Variants in SEMA5A observed in about 807,000 individuals in gnomAD.
The protein encoded by SEMA5A is semaphorin 5A.
Under a neutral mutation model 135.5 loss-of-function variants are expected in SEMA5A, and 55 were observed. That is an observed-to-expected ratio of 0.41 (90% CI 0.33 to 0.51). The LOEUF (loss-of-function observed/expected upper bound fraction) is 0.51, where lower values mean the gene tolerates loss of function less well. Ranked by LOEUF, SEMA5A falls within the 20% of genes least tolerant of loss-of-function variation. SEMA5A has a pLI of 0.37. For synonymous variants in SEMA5A, 580 were observed against 546.5 expected, an observed-to-expected ratio of 1.06 and a Z score of -0.85; for missense variants, 1,290 against 1,419.9, an observed-to-expected ratio of 0.91 and a Z score of 1.47.
intron 2 of SEMA5A, among the ~76,000 whole-genome samples, chr5:9,397,294 A>G (rs1487777297): frequency 6.6e-6 from 1 of 152,220 alleles, no homozygotes; most frequent in African/African-American, 2.4e-5. Flanking sequence ...AAATATAAAC[A>G]TACATTTCTA....
intron 13 of SEMA5A, among the ~76,000 whole-genome samples, chr5:9,134,013 T>C (rs1344598363): frequency 6.6e-6 from 1 of 152,108 alleles, no homozygotes; most frequent in East Asian, 1.9e-4. Context: ...AGTGAGTTTC[T>C]CCTGAACTCT....
chr5:9,322,151 G>T (rs1294570476), intron 4 of SEMA5A, among the ~76,000 whole-genome samples: 1 of 152,134 alleles, frequency 6.6e-6, no homozygotes, highest in East Asian at 1.9e-4. Flanking sequence ...CACTTTCTCA[G>T]TCCACACCTC....
intron 9 of SEMA5A, 59 bp from the exon 10 acceptor site, chr5:9,197,362 C>A (rs913200944): frequency 1.3e-5 from 21 of 1,584,934 alleles, no homozygotes; most frequent in East Asian, 2.2e-5. Context: ...CTGCTGACCT[C>A]CCCCTATGGA....
chr5:9,491,607 C>T (rs1735010052), intron 1 of SEMA5A, among the ~76,000 whole-genome samples: 1 of 152,142 alleles, frequency 6.6e-6, no homozygotes, highest in Non-Finnish European at 1.5e-5. Flanking sequence ...TGATTAAAGT[C>T]AGGTTTAGAT....
At chr5:9,220,517 C>T (rs1335547505) in intron 8 of SEMA5A, among the ~76,000 whole-genome samples, 2 of 150,510 alleles carry the variant, frequency 1.3e-5, no homozygotes, top group Non-Finnish European at 2.9e-5. Flanking sequence ...ACCACCTGTG[C>T]CCCAGAAATT....
At chr5:9,129,782 G>A (rs555797471) in intron 13 of SEMA5A, among the ~76,000 whole-genome samples, 1 of 152,258 alleles carries the variant, frequency 6.6e-6, no homozygotes, top group East Asian at 1.9e-4. Flanking sequence ...GCCAGGCACT[G>A]TGCTTTACAT....
chr5:9,305,708 G>GTGTATATATATATATATA (rs1554017498), intron 5 of SEMA5A, among the ~76,000 whole-genome samples: 2,122 of 138,640 alleles, frequency 0.015, 38 homozygotes, highest in Admixed American at 0.032. Flanking sequence ...GTGTGTGTGC[G>GTGTATATATATATATATA]TATATATATA....
At chr5:9,367,576 T>C (rs1754971108) in intron 3 of SEMA5A, among the ~76,000 whole-genome samples, 1 of 152,252 alleles carries the variant, frequency 6.6e-6, no homozygotes, top group African/African-American at 2.4e-5. Flanking sequence ...GAAAGTGGTA[T>C]ACTCAGAAAT....
chr5:9,484,871 C>T (rs901076810), intron 1 of SEMA5A, among the ~76,000 whole-genome samples: 2 of 152,124 alleles, frequency 1.3e-5, no homozygotes, highest in African/African-American at 4.8e-5. Flanking sequence ...CTCCATTACA[C>T]AAGTGCCCCA....
intron 13 of SEMA5A, among the ~76,000 whole-genome samples, chr5:9,134,507 C>T (rs536157832): frequency 3.7e-4 from 57 of 152,280 alleles, no homozygotes; most frequent in African/African-American, 1.3e-3. Flanking sequence ...AAACCAAGTG[C>T]GTGGGTGTGT....
intron 12 of SEMA5A, among the ~76,000 whole-genome samples, chr5:9,138,986 C>A (rs916058647): frequency 6.6e-6 from 1 of 152,192 alleles, no homozygotes; most frequent in Admixed American, 6.5e-5. Context: ...GTTTCTTCAA[C>A]CTCTCCTTGA....
At chr5:9,046,236 T>C (rs1736245093) in intron 21 of SEMA5A, among the ~76,000 whole-genome samples, 1 of 152,180 alleles carries the variant, frequency 6.6e-6, no homozygotes, top group Non-Finnish European at 1.5e-5. Context: ...TACCTTTCCC[T>C]GACCTGTCAA....
chr5:9,236,107 C>A (rs1219085538), intron 6 of SEMA5A, among the ~76,000 whole-genome samples: 1 of 152,104 alleles, frequency 6.6e-6, no homozygotes, highest in Non-Finnish European at 1.5e-5. Context: ...AATTCAATTA[C>A]CTTCCCCCAG....
At chr5:9,456,931 A>G (rs1758860806) in intron 1 of SEMA5A, among the ~76,000 whole-genome samples, 1 of 152,218 alleles carries the variant, frequency 6.6e-6, no homozygotes, top group Non-Finnish European at 1.5e-5. Context: ...CTACAGAGCA[A>G]CTAAACTTGC....
chr5:9,520,928 G>A (rs996959178), intron 1 of SEMA5A, among the ~76,000 whole-genome samples: 3 of 152,210 alleles, frequency 2.0e-5, no homozygotes, highest in African/African-American at 7.2e-5. Context: ...ATGGACATGA[G>A]GGAAAAAGTG....
chr5:9,270,118 G>C (rs1749894392), intron 5 of SEMA5A, among the ~76,000 whole-genome samples: 1 of 152,132 alleles, frequency 6.6e-6, no homozygotes, highest in Admixed American at 6.5e-5. Context: ...ATTCCAGGCA[G>C]AGAGGTCCTG....
intron 16 of SEMA5A, among the ~76,000 whole-genome samples, chr5:9,092,119 A>G (rs1447229987): frequency 6.6e-6 from 1 of 152,178 alleles, no homozygotes; most frequent in Non-Finnish European, 1.5e-5. Context: ...AACCAGATTC[A>G]TATTCCACCC....
At chr5:9,453,634 T>C (rs548548901) in intron 1 of SEMA5A, among the ~76,000 whole-genome samples, 47 of 152,354 alleles carry the variant, frequency 3.1e-4, no homozygotes, top group Non-Finnish European at 5.0e-4. Context: ...AAAAATGCAC[T>C]TGAAACAAGG....
At chr5:9,507,731 G>A (rs1233956129) in intron 1 of SEMA5A, among the ~76,000 whole-genome samples, 1 of 152,098 alleles carries the variant, frequency 6.6e-6, no homozygotes, top group African/African-American at 2.4e-5. Context: ...AGGGACGGGT[G>A]CGGTGTCTCT....
Sources: allele counts gnomAD v4.1 joint callset (sites outside exome capture counted in the v4.1 genomes callset), GRCh38; gene constraint gnomAD v4.1.1; transcripts MANE v1.5; gene names NCBI Gene and HGNC (gene_info 2026-07-23, HGNC 2026-07-21).